GPAM: variants seen among roughly 807,000 people sequenced by gnomAD.
GPAM encodes glycerol-3-phosphate acyltransferase, mitochondrial.
GPAM carries 56 observed loss-of-function variants against 105.0 expected under a neutral mutation model. The observed-to-expected ratio is 0.53, with a 90% confidence interval of 0.43 to 0.67. The LOEUF is 0.67. Ranked by LOEUF, GPAM falls within the 30% of genes least tolerant of loss-of-function variation. GPAM has a pLI of 0.00. For missense variants in GPAM, 855 were observed against 989.8 expected (o/e 0.86, Z 1.83); for synonymous variants, 368 against 354.4 (o/e 1.04, Z -0.43).
chr10:112,185,571 GACACACACACACACACACACACAC>G (rs55812271), upstream of GPAM, among the ~76,000 whole-genome samples: 5 of 143,592 alleles, frequency 3.5e-5, no homozygotes, highest in African/African-American at 1.0e-4. Flanking sequence ...CACACACACA[GACACACACACACACACACACACAC>G]ACACACACAC....
rs147036850 is a variant in GPAM at position 112,198,615 on chromosome 10, G to A, written n.211-15724C>T. On this transcript the variant is annotated intron_variant and non_coding_transcript_variant, in intron 1 of 3. Transcript: ENST00000480130. Reference sequence around the variant, plus strand: ...GCTATTATGGAAAACAGTATGGGGTGGTTCCTCAAAAAATTTAAAATAGAG... The same window carrying A: ...GCTATTATGGAAAACAGTATGGGGTAGTTCCTCAAAAAATTTAAAATAGAG... 4.0e-3 allele frequency among the ~76,000 whole-genome samples: 609 copies of A among 152,250 alleles called. 5 individuals carry two copies. Among genetic ancestry groups the A allele is most frequent in the African/African-American group, 0.014 (586 of 41,538 alleles).
At chr10:112,183,325 T>C (rs546837147) in intron 1 of GPAM, among the ~76,000 whole-genome samples, 27 of 152,334 alleles carry the variant, frequency 1.8e-4, no homozygotes, top group African/African-American at 4.1e-4. Flanking sequence ...TGTCATTAAT[T>C]ATCTCCAGCA....
upstream of GPAM, among the ~76,000 whole-genome samples, chr10:112,184,171 T>C (rs1230803359): frequency 6.6e-6 from 1 of 152,126 alleles, no homozygotes; most frequent in African/African-American, 2.4e-5. Flanking sequence ...TGTTGTGTAA[T>C]TTCTACCAAA....
chr10:112,187,485 A>T (rs1847609440), upstream of GPAM, among the ~76,000 whole-genome samples: 1 of 152,188 alleles, frequency 6.6e-6, no homozygotes, highest in Non-Finnish European at 1.5e-5. Flanking sequence ...TAATGATAAA[A>T]GGGTCAATTC....
At chr10:112,154,795 A>C (rs773580144) in intron 20 of GPAM, 108 bp from the exon 21 acceptor site, 13 of 903,590 alleles carry the variant, frequency 1.4e-5, no homozygotes, top group Non-Finnish European at 2.1e-5. Flanking sequence ...AATGAGGGCA[A>C]GTCAGCAGAC....
At chr10:112,206,868 A>G (rs1255113148) in intron 1 of GPAM, among the ~76,000 whole-genome samples, 3 of 151,944 alleles carry the variant, frequency 2.0e-5, no homozygotes, top group Non-Finnish European at 4.4e-5. Context: ...CAGGGATTCT[A>G]TCTTCTTCAC....
At chr10:112,224,519 A>G in the GPAM span, among the ~76,000 whole-genome samples, 4 of 152,148 alleles carry the variant, frequency 2.6e-5, no homozygotes, top group Admixed American at 2.0e-4. Flanking sequence ...GTTGCAAGCT[A>G]TCTTAGATTC....
chr10:112,170,869 A>G (rs751925315), intron 9 of GPAM, among the ~76,000 whole-genome samples: 2 of 152,230 alleles, frequency 1.3e-5, no homozygotes, highest in Non-Finnish European at 2.9e-5. Flanking sequence ...GCATGAATCC[A>G]TGGCTTCTCT....
chr10:112,223,922 T>C, the GPAM span, among the ~76,000 whole-genome samples: 1 of 152,178 alleles, frequency 6.6e-6, no homozygotes, highest in Non-Finnish European at 1.5e-5. Flanking sequence ...TTGGAAAAGA[T>C]AACAGGCATC....
At chr10:112,182,120 T>C (rs144840050) in intron 2 of GPAM, among the ~76,000 whole-genome samples, 1 of 152,158 alleles carries the variant, frequency 6.6e-6, no homozygotes, top group African/African-American at 2.4e-5. Flanking sequence ...AAACAAAACA[T>C]AGTATGCAAA....
At chr10:112,154,713 C>A in intron 20 of GPAM, 26 bp from the exon 21 acceptor site, 1 of 1,502,260 alleles carries the variant, frequency 6.7e-7, no homozygotes, top group East Asian at 2.3e-5. Context: ...AAAACCCTGT[C>A]AAATGGTTAC....
In GPAM at chr10:112,151,176, A is replaced by C. The variant is rs1846910870; in HGVS notation, c.*2374T>G. 1 of 983,798 alleles carries C rather than the reference A, an allele frequency of 1.0e-6. No individual in the cohort carries two copies. Among genetic ancestry groups the C allele is most frequent in the Non-Finnish European group, 1.2e-6 (1 of 828,258 alleles). 60.9% of individuals were successfully genotyped at this position (983,798 alleles called of 1,614,324 possible). A position where few individuals can be genotyped will look rare whatever the true frequency, so the allele number is the denominator to read the frequency against. On this transcript the variant is annotated 3_prime_UTR_variant, in exon 22 of 22. Transcript: ENST00000348367. ...GAAGGGCATGCATTTCATGTTACAG[A>C]AATGCGATAGAGTAAACTGTAATAA...
chr10:112,211,761 AG>A (rs1358129863), intron 1 of GPAM, among the ~76,000 whole-genome samples: 8 of 152,212 alleles, frequency 5.3e-5, no homozygotes, highest in African/African-American at 1.9e-4. Flanking sequence ...CTCATGAGAA[AG>A]TATTACACCC....
intron 21 of GPAM, chr10:112,154,363 T>C (rs1846977100): frequency 1.9e-6 from 1 of 520,678 alleles, no homozygotes; most frequent in Admixed American, 3.4e-5. Flanking sequence ...TGAAACATAT[T>C]GATACCAGTT....
intron 1 of GPAM, among the ~76,000 whole-genome samples, chr10:112,192,096 G>A (rs1353350933): frequency 1.3e-5 from 2 of 152,284 alleles, no homozygotes; most frequent in South Asian, 2.1e-4. Context: ...AAGCAACAGG[G>A]TAAGGGGTAG....
intron 1 of GPAM, among the ~76,000 whole-genome samples, chr10:112,190,192 G>A (rs988053212): frequency 5.3e-5 from 8 of 152,088 alleles, no homozygotes; most frequent in Non-Finnish European, 1.2e-4. Flanking sequence ...AAAAGAGAGA[G>A]AAAATATCCA....
chr10:112,150,065 T>C lies in GPAM; in HGVS notation c.*3485A>G. 1.0e-6 allele frequency: 1 copy of C among 984,926 alleles called. No homozygotes were observed. Among genetic ancestry groups the C allele is most frequent in the African/African-American group, 1.7e-5 (1 of 57,350 alleles). 61.0% of individuals were successfully genotyped at this position (984,926 alleles called of 1,614,324 possible). A position where few individuals can be genotyped will look rare whatever the true frequency, so the allele number is the denominator to read the frequency against. ...CAGGCAAATAGTTTAATACCTTCCATCAAGACATTTCAGAGCTCTAGACGT... is the reference window on the plus strand; with the variant it reads ...CAGGCAAATAGTTTAATACCTTCCACCAAGACATTTCAGAGCTCTAGACGT... On this transcript the variant is annotated 3_prime_UTR_variant, in exon 22 of 22. Coordinates refer to ENST00000348367, the MANE Select transcript of GPAM (RefSeq NM_001244949.2).
At chr10:112,211,535 G>A (rs557638398) in intron 1 of GPAM, among the ~76,000 whole-genome samples, 17 of 152,270 alleles carry the variant, frequency 1.1e-4, no homozygotes, top group African/African-American at 3.9e-4. Flanking sequence ...CCACCCCATC[G>A]AAACTAGGTC....
intron 13 of GPAM, among the ~76,000 whole-genome samples, chr10:112,164,110 C>T (rs1293923113): frequency 6.6e-6 from 1 of 152,144 alleles, no homozygotes; most frequent in Non-Finnish European, 1.5e-5. Context: ...GAAAATTCAA[C>T]ACTTCCACAT....
Sources: gnomAD v4.1 joint callset for allele counts (sites outside exome capture counted in the v4.1 genomes callset) on GRCh38, gnomAD v4.1.1 for gene constraint, MANE v1.5 for transcripts, NCBI Gene and HGNC (gene_info 2026-07-23, HGNC 2026-07-21) for gene names.